The following CMTM8 variants were observed in gnomAD, a reference collection of about 807,000 sequenced individuals.
CMTM8 encodes CKLF-like MARVEL transmembrane domain-containing protein 8.
In CMTM8, 12 loss-of-function variants were observed where a neutral mutation model predicts 18.6. The ratio of observed to expected loss-of-function variants is 0.65; its 90% CI spans 0.41 to 1.05. The LOEUF is 1.05. Among genes scored for constraint, CMTM8 ranks in the 50% least tolerant of loss-of-function variants. CMTM8 has a pLI of 0.00. For synonymous variants in CMTM8, 87 were observed against 90.6 expected (o/e 0.96, Z 0.23); for missense variants, 217 against 227.2 (o/e 0.95, Z 0.29).
chr3:32,343,725 TCAC>T (rs945121196), intron 1 of CMTM8, among the ~76,000 whole-genome samples: 1 of 147,324 alleles, frequency 6.8e-6, no homozygotes, highest in African/African-American at 2.6e-5. Context: ...AGACGGAATC[TCAC>T]CAATCTTGTC....
chr3:32,265,423 A>G lies in CMTM8; in HGVS notation c.147+26304A>G, dbSNP rs188490454. 2.7e-3 allele frequency among the ~76,000 whole-genome samples: 403 copies of G among 152,026 alleles called. 1 individual carries two copies. The highest frequency in any genetic ancestry group is 9.3e-3 in the African/African-American group (387 of 41,440). The stretch of plus-strand genomic sequence containing the variant: ...AAACCAACAAGAACAAAGAGACAAC[A>G]TACCAGAATCTCTGGGACACATTTA... On this transcript the variant is annotated intron_variant, in intron 1 of 3. Coordinates refer to ENST00000307526, the MANE Select transcript of CMTM8 (RefSeq NM_178868.5).
chr3:32,336,332 C>T lies in CMTM8; in HGVS notation c.148-21041C>T, dbSNP rs79318112. On this transcript the variant is annotated intron_variant, in intron 1 of 3. Transcript: ENST00000307526. ...CAGGGGACCTGTGATAAAGTGGAGTCGGCACAAATCAAGGCTTGTACATGT... is the reference window on the plus strand; with the variant it reads ...CAGGGGACCTGTGATAAAGTGGAGTTGGCACAAATCAAGGCTTGTACATGT... Among the ~76,000 whole-genome samples, 930 of 152,304 alleles carry T rather than the reference C, an allele frequency of 6.1e-3. 9 individuals carry two copies. The highest frequency in any genetic ancestry group is 0.021 in the African/African-American group (879 of 41,566).
chr3:32,290,809 T>A (rs1448892404), intron 1 of CMTM8, among the ~76,000 whole-genome samples: 5 of 152,232 alleles, frequency 3.3e-5, no homozygotes, highest in Non-Finnish European at 7.3e-5. Context: ...GCAGACTGAT[T>A]ATATAAGCAT....
At chr3:32,259,875 T>C (rs1308277820) in intron 1 of CMTM8, 8 of 875,214 alleles carry the variant, frequency 9.1e-6, no homozygotes, top group Non-Finnish European at 1.5e-5. Context: ...CTGGACTCCA[T>C]GAGAAATGTG....
chr3:32,348,753 G>A (rs1268837967), intron 1 of CMTM8, among the ~76,000 whole-genome samples: 3 of 151,578 alleles, frequency 2.0e-5, no homozygotes, highest in Admixed American at 6.6e-5. Flanking sequence ...CATCCACCTC[G>A]GCCTCCCAAA....
intron 1 of CMTM8, among the ~76,000 whole-genome samples, chr3:32,343,137 G>C (rs146458500): frequency 2.4e-4 from 36 of 152,318 alleles, no homozygotes; most frequent in Non-Finnish European, 3.7e-4. Flanking sequence ...CACCAGATTG[G>C]AAGATGCCGC....
intron 3 of CMTM8, 35 bp from the exon 4 acceptor site, chr3:32,369,849 T>C: frequency 6.8e-7 from 1 of 1,464,992 alleles, no homozygotes; most frequent in Non-Finnish European, 9.5e-7. Flanking sequence ...GGATGTGCCC[T>C]AAACCCCACT....
At chr3:32,285,525 AATT>A (rs200280609) in intron 1 of CMTM8, among the ~76,000 whole-genome samples, 3,321 of 116,754 alleles carry the variant, frequency 0.028, 83 homozygotes, top group African/African-American at 0.065. Context: ...AAAAAAAAAA[AATT>A]AAATTAATAA....
chr3:32,339,177 T>C (rs1696445351), intron 1 of CMTM8, among the ~76,000 whole-genome samples: 1 of 152,212 alleles, frequency 6.6e-6, no homozygotes, highest in Non-Finnish European at 1.5e-5. Context: ...TGTGGGCATA[T>C]CTTAAAGCCA....
chr3:32,256,834 A>G (rs1702179273), intron 1 of CMTM8, among the ~76,000 whole-genome samples: 1 of 152,184 alleles, frequency 6.6e-6, no homozygotes, highest in Admixed American at 6.5e-5. Context: ...TATTCCTTGC[A>G]TCTATTGCAG....
chr3:32,309,182 G>A (rs1040732757), intron 1 of CMTM8, among the ~76,000 whole-genome samples: 12 of 152,154 alleles, frequency 7.9e-5, no homozygotes, highest in Non-Finnish European at 1.5e-4. Flanking sequence ...ATGGGTGGAG[G>A]GTGGTGGGGC....
intron 1 of CMTM8, among the ~76,000 whole-genome samples, chr3:32,312,598 C>T (rs1296446467): frequency 6.6e-6 from 1 of 152,136 alleles, no homozygotes; most frequent in Non-Finnish European, 1.5e-5. Flanking sequence ...AACCTTGAAG[C>T]TCTGCAAACT....
intron 1 of CMTM8, among the ~76,000 whole-genome samples, chr3:32,321,128 G>T (rs1005146500): frequency 6.6e-6 from 1 of 151,996 alleles, no homozygotes; most frequent in Non-Finnish European, 1.5e-5. Flanking sequence ...AAGCAGACAG[G>T]GTTTAAAAAT....
At chr3:32,280,178 G>A (rs982140953) in intron 1 of CMTM8, among the ~76,000 whole-genome samples, 1 of 152,112 alleles carries the variant, frequency 6.6e-6, no homozygotes, top group African/African-American at 2.4e-5. Flanking sequence ...ATGTGGCCAG[G>A]CATAAGTGAG....
In CMTM8 at chr3:32,285,111, G is replaced by A. The variant is rs567236311; in HGVS notation, c.147+45992G>A. Among the ~76,000 whole-genome samples the A allele has an allele frequency of 3.3e-5, 5 of 152,292 alleles. No individual in the cohort carries two copies. In the South Asian group the frequency reaches 1.0e-3, roughly 32 times the overall value. On this transcript the variant is annotated intron_variant, in intron 1 of 3. Coordinates refer to ENST00000307526, the MANE Select transcript of CMTM8 (RefSeq NM_178868.5). ...GTCCCTAAATGTTACTGCTTTCAGG[G>A]CCACTTTGGGTACATGCTAGAGGTG...
At chr3:32,241,715 A>G (rs1250158505) in intron 1 of CMTM8, among the ~76,000 whole-genome samples, 1 of 152,242 alleles carries the variant, frequency 6.6e-6, no homozygotes, top group Non-Finnish European at 1.5e-5. Flanking sequence ...GTCAAGGGGC[A>G]TCTGTATAGT....
intron 1 of CMTM8, among the ~76,000 whole-genome samples, chr3:32,283,269 G>C (rs1267273766): frequency 1.3e-5 from 2 of 152,156 alleles, no homozygotes; most frequent in Non-Finnish European, 2.9e-5. Context: ...TGTTGTTACT[G>C]TATTTACATT....
intron 1 of CMTM8, among the ~76,000 whole-genome samples, chr3:32,304,917 T>C (rs1274624091): frequency 1.3e-5 from 2 of 152,208 alleles, no homozygotes; most frequent in Non-Finnish European, 2.9e-5. Context: ...TATTTCTGCA[T>C]AGATGAGAAA....
chr3:32,367,685 T>C (rs1697065767), intron 2 of CMTM8, among the ~76,000 whole-genome samples, 187 bp from the exon 3 acceptor site: 1 of 152,112 alleles, frequency 6.6e-6, no homozygotes, highest in South Asian at 2.1e-4. Context: ...GCATCTGGTA[T>C]GAGCTGCCGT....
Sources: allele counts gnomAD v4.1 joint callset (sites outside exome capture counted in the v4.1 genomes callset), GRCh38; gene constraint gnomAD v4.1.1; transcripts MANE v1.5; gene names NCBI Gene and HGNC (gene_info 2026-07-23, HGNC 2026-07-21).